Variants in DOK5 observed in about 807,000 individuals in gnomAD.
The protein encoded by DOK5 is downstream of tyrosine kinase 5.
DOK5 carries 27 observed loss-of-function variants against 43.3 expected under a neutral mutation model. That is an observed-to-expected ratio of 0.62 (90% CI 0.46 to 0.86). The LOEUF (loss-of-function observed/expected upper bound fraction) is 0.86, where lower values mean the gene tolerates loss of function less well. Ranked by LOEUF, DOK5 falls within the 40% of genes least tolerant of loss-of-function variation. The pLI, the probability that DOK5 is intolerant of heterozygous loss-of-function variation, is 0.00. For synonymous variants in DOK5, 146 were observed against 140.1 expected (o/e 1.04, Z -0.30); for missense variants, 373 against 392.9 (o/e 0.95, Z 0.43).
At chr20:54,622,836 A>G (rs1448591293) in intron 6 of DOK5, among the ~76,000 whole-genome samples, 1 of 152,104 alleles carries the variant, frequency 6.6e-6, no homozygotes, top group Non-Finnish European at 1.5e-5. Flanking sequence ...GAGAGATAGA[A>G]ATAGTGATGA....
chr20:54,639,763 C>T (rs1210773673), intron 6 of DOK5, among the ~76,000 whole-genome samples: 3 of 152,116 alleles, frequency 2.0e-5, no homozygotes, highest in Non-Finnish European at 2.9e-5. Context: ...CCAATTTTCC[C>T]GTAGGCTGAT....
At chr20:54,647,675 T>C (rs1979501346) in intron 7 of DOK5, among the ~76,000 whole-genome samples, 1 of 131,910 alleles carries the variant, frequency 7.6e-6, no homozygotes, top group East Asian at 2.4e-4. Context: ...CTAACTCTGG[T>C]AGACAGCACC....
At chr20:54,629,779 G>A (rs1225657191) in intron 6 of DOK5, among the ~76,000 whole-genome samples, 1 of 152,192 alleles carries the variant, frequency 6.6e-6, no homozygotes, top group Non-Finnish European at 1.5e-5. Flanking sequence ...ACCGGGAATG[G>A]TCACTCTGGT....
intron 2 of DOK5, among the ~76,000 whole-genome samples, chr20:54,580,689 T>C (rs1286581174): frequency 1.3e-5 from 2 of 152,192 alleles, no homozygotes; most frequent in African/African-American, 4.8e-5. Context: ...TGAATAGACA[T>C]TTGCCCATTT....
At chr20:54,568,219 A>C (rs1985157865) in intron 2 of DOK5, among the ~76,000 whole-genome samples, 1 of 152,256 alleles carries the variant, frequency 6.6e-6, no homozygotes, top group Non-Finnish European at 1.5e-5. Context: ...AAAACAAGAC[A>C]AAACCAAACT....
chr20:54,488,974 T>C (rs1216052758), intron 1 of DOK5, among the ~76,000 whole-genome samples: 1 of 152,110 alleles, frequency 6.6e-6, no homozygotes, highest in East Asian at 1.9e-4. Flanking sequence ...TCTCAATATT[T>C]GTTGATTGAA....
intron 2 of DOK5, among the ~76,000 whole-genome samples, chr20:54,578,410 C>T (rs548700044): frequency 6.6e-6 from 1 of 151,998 alleles, no homozygotes; most frequent in Non-Finnish European, 1.5e-5. Flanking sequence ...GGAACCTAAG[C>T]CTAAATATAT....
At chr20:54,500,557 ATTTTTTTTT>A (rs545357915) in intron 1 of DOK5, among the ~76,000 whole-genome samples, 2,704 of 115,492 alleles carry the variant, frequency 0.023, 90 homozygotes, top group African/African-American at 0.086. Context: ...TACCCAGTGT[ATTTTTTTTT>A]TTTTTTTTTT....
chr20:54,512,130 C>T (rs891045623), intron 1 of DOK5, among the ~76,000 whole-genome samples: 11 of 152,188 alleles, frequency 7.2e-5, no homozygotes, highest in African/African-American at 2.7e-4. Context: ...AGTAGAAATC[C>T]ACTAGACTAC....
At chr20:54,630,867 T>C (rs1050700915) in intron 6 of DOK5, among the ~76,000 whole-genome samples, 1 of 152,236 alleles carries the variant, frequency 6.6e-6, no homozygotes, top group Non-Finnish European at 1.5e-5. Context: ...GAAATTCTAA[T>C]ATTCATTTAA....
chr20:54,543,471 T>G lies in DOK5; in HGVS notation c.67-11462T>G, dbSNP rs75658319. ...TAGCTCCCACAGAATCAAAAGCAGG[T>G]AATTCTCAAAAGGTACTTGCTACAG... On this transcript the variant is annotated intron_variant, in intron 1 of 7. Coordinates refer to ENST00000262593, the MANE Select transcript of DOK5 (RefSeq NM_018431.5). 9.3e-3 allele frequency among the ~76,000 whole-genome samples: 1,416 copies of G among 152,138 alleles called. 29 individuals carry two copies. Among genetic ancestry groups the G allele is most frequent in the African/African-American group, 0.033 (1,353 of 41,492 alleles).
At chr20:54,520,238 C>T (rs1044563274) in intron 1 of DOK5, among the ~76,000 whole-genome samples, 3 of 152,134 alleles carry the variant, frequency 2.0e-5, no homozygotes, top group Non-Finnish European at 4.4e-5. Flanking sequence ...CTCTTGAGTT[C>T]TCTCTTTTTC....
intron 1 of DOK5, among the ~76,000 whole-genome samples, chr20:54,491,130 A>C (rs1242377526): frequency 6.6e-6 from 1 of 152,184 alleles, no homozygotes; most frequent in East Asian, 1.9e-4. Flanking sequence ...TGCATGCAGA[A>C]TCATGCCTCA....
intron 7 of DOK5, among the ~76,000 whole-genome samples, chr20:54,645,163 G>A (rs1348063167): frequency 6.6e-6 from 1 of 151,914 alleles, no homozygotes; most frequent in African/African-American, 2.4e-5. Context: ...TGGACTACAC[G>A]TAGTTTACGT....
At chr20:54,504,855 A>G (rs1487904406) in intron 1 of DOK5, among the ~76,000 whole-genome samples, 1 of 152,212 alleles carries the variant, frequency 6.6e-6, no homozygotes, top group Non-Finnish European at 1.5e-5. Flanking sequence ...AGTTTGGCTC[A>G]TATCTGTGAA....
chr20:54,534,528 A>G (rs1983887263), intron 1 of DOK5, among the ~76,000 whole-genome samples: 1 of 152,184 alleles, frequency 6.6e-6, no homozygotes, highest in Non-Finnish European at 1.5e-5. Flanking sequence ...TACCTTGATC[A>G]CATTGCTTAA....
At chr20:54,581,624 A>G (rs1354683065) in intron 2 of DOK5, among the ~76,000 whole-genome samples, 1 of 151,884 alleles carries the variant, frequency 6.6e-6, no homozygotes, top group African/African-American at 2.4e-5. Context: ...ATTTATTCCT[A>G]AATATTTTGG....
At chr20:54,545,564 A>C (rs905440327) in intron 1 of DOK5, among the ~76,000 whole-genome samples, 1 of 152,246 alleles carries the variant, frequency 6.6e-6, no homozygotes, top group Non-Finnish European at 1.5e-5. Flanking sequence ...TTAGAGAAGC[A>C]ATGAAATCCA....
intron 1 of DOK5, among the ~76,000 whole-genome samples, chr20:54,531,282 A>G (rs1983762247): frequency 6.6e-6 from 1 of 152,196 alleles, no homozygotes; most frequent in Admixed American, 6.5e-5. Flanking sequence ...GTGAATCTTG[A>G]GTCAATTTCA....
Sources: allele counts gnomAD v4.1 joint callset (sites outside exome capture counted in the v4.1 genomes callset), GRCh38; gene constraint gnomAD v4.1.1; transcripts MANE v1.5; gene names NCBI Gene and HGNC (gene_info 2026-07-23, HGNC 2026-07-21).